The following SMYD2 variants were observed in gnomAD, a reference collection of about 807,000 sequenced individuals.
SMYD2 encodes N-lysine methyltransferase SMYD2.
Under a neutral mutation model 59.1 loss-of-function variants are expected in SMYD2, and 53 were observed. The ratio of observed to expected loss-of-function variants is 0.90; its 90% CI spans 0.72 to 1.13. The LOEUF (loss-of-function observed/expected upper bound fraction) is 1.13, where lower values mean the gene tolerates loss of function less well. Among genes scored for constraint, SMYD2 ranks in the 50% most tolerant of loss-of-function variants. The probability of loss-of-function intolerance (pLI) is 0.00; values close to 1 mark genes in which losing one functional copy is unlikely to be tolerated. For synonymous variants in SMYD2, 208 were observed against 198.8 expected, an observed-to-expected ratio of 1.05 and a Z score of -0.39; for missense variants, 494 against 544.7, an observed-to-expected ratio of 0.91 and a Z score of 0.93.
At chr1:214,304,589 A>C (rs1354923303) in intron 1 of SMYD2, among the ~76,000 whole-genome samples, 1 of 147,758 alleles carries the variant, frequency 6.8e-6, no homozygotes, top group African/African-American at 2.5e-5. Flanking sequence ...AAAAGCATCT[A>C]TCTCCACTTG....
At chr1:214,303,933 A>G (rs1401863157) in intron 1 of SMYD2, among the ~76,000 whole-genome samples, 2 of 152,256 alleles carry the variant, frequency 1.3e-5, no homozygotes, top group Non-Finnish European at 2.9e-5. Flanking sequence ...GGTGGGCAAG[A>G]GTTCGACAGC....
At position 214,323,040 on chromosome 1, in the gene SMYD2, C is replaced by T. The variant is rs186507451; in HGVS notation, c.535-1601C>T. Among the ~76,000 whole-genome samples the T allele has an allele frequency of 1.4e-4, 22 of 152,240 alleles. No individual in the cohort carries two copies. In the East Asian group the frequency reaches 2.7e-3, roughly 19 times the overall value. Reference sequence around the variant, plus strand: ...CTCACGGACAGAGACTTCATAGCAGCGTGGGACAAGCAGGGGTCTCAGCCT... The same window carrying T: ...CTCACGGACAGAGACTTCATAGCAGTGTGGGACAAGCAGGGGTCTCAGCCT... On this transcript the variant is annotated intron_variant, in intron 5 of 11. Coordinates refer to ENST00000366957, the MANE Select transcript of SMYD2 (RefSeq NM_020197.3).
intron 1 of SMYD2, among the ~76,000 whole-genome samples, chr1:214,289,078 A>G (rs1656595939): frequency 6.6e-6 from 1 of 152,120 alleles, no homozygotes. Flanking sequence ...TAGAACAGGC[A>G]AGTTGCACAC....
rs1656440404 is a variant in SMYD2, at chr1:214,281,401, C to A, written c.147C>A (p.Gly49=). The change falls in exon 1 of 12, where the codon GGC becomes GGA. Residue 49 remains glycine (G), a synonymous_variant. Coordinates refer to ENST00000366957, the MANE Select transcript of SMYD2 (RefSeq NM_020197.3). ...ACGTGCTCACGGTCAACGAGCGGGG[C>A]AACCACTGCGAGTACTGCTTCACCA... ...YAYVLTVNER[G]NHCEYCFTRK... 5 of 1,461,690 alleles carry A rather than the reference C, an allele frequency of 3.4e-6. No individual in the cohort carries two copies. Among genetic ancestry groups the A allele is most frequent in the Admixed American group, 2.3e-5 (1 of 42,760 alleles). 90.5% of individuals were successfully genotyped at this position (1,461,690 alleles called of 1,614,324 possible). A position where few individuals can be genotyped will look rare whatever the true frequency, so the allele number is the denominator to read the frequency against.
At position 214,304,287 on chromosome 1, in the gene SMYD2, G is replaced by A. The variant is rs377129394; in HGVS notation, c.174-900G>A. Among the ~76,000 whole-genome samples, 116 of 152,160 alleles carry A rather than the reference G, an allele frequency of 7.6e-4. 1 individual carries two copies. The South Asian group carries it at 0.02, about 27-fold the overall frequency. On this transcript the variant is annotated intron_variant, in intron 1 of 11. Coordinates refer to ENST00000366957, the MANE Select transcript of SMYD2 (RefSeq NM_020197.3). Reference sequence around the variant, plus strand: ...AGAATCTATTTCTTGGTGGGGGCACGGCGGCTCATGCCTATAATACCAGCA... The same window carrying A: ...AGAATCTATTTCTTGGTGGGGGCACAGCGGCTCATGCCTATAATACCAGCA...
intron 6 of SMYD2, among the ~76,000 whole-genome samples, chr1:214,325,118 C>T (rs1264171992): frequency 1.3e-5 from 2 of 152,222 alleles, no homozygotes; most frequent in African/African-American, 4.8e-5. Flanking sequence ...AGCTTCTTCT[C>T]CATCTGTCCT....
chr1:214,285,251 T>G (rs1412305255), intron 1 of SMYD2, among the ~76,000 whole-genome samples: 1 of 152,224 alleles, frequency 6.6e-6, no homozygotes, highest in African/African-American at 2.4e-5. Context: ...TTTCCTCTTG[T>G]TTTATCAAAC....
chr1:214,295,638 A>G (rs1656714362), intron 1 of SMYD2, among the ~76,000 whole-genome samples: 1 of 152,188 alleles, frequency 6.6e-6, no homozygotes, highest in African/African-American at 2.4e-5. Context: ...AAGCCTCAGA[A>G]CAAAGCCTGG....
intron 1 of SMYD2, among the ~76,000 whole-genome samples, chr1:214,295,580 C>T (rs1656712570): frequency 6.6e-6 from 1 of 152,142 alleles, no homozygotes; most frequent in Non-Finnish European, 1.5e-5. Context: ...CCTTACTGCC[C>T]TAAATATTTC....
Position 214,330,962 on chromosome 1 carries a change from G to T in SMYD2, c.829G>T (p.Val277Leu). ...ACGTTTCCTTCAGGATAAGGCCAAGGTGGAAATCCGGAAGCTCAGCGATCC... is the reference window on the plus strand; with the variant it reads ...ACGTTTCCTTCAGGATAAGGCCAAGTTGGAAATCCGGAAGCTCAGCGATCC... ...CTTKDKDKAK[V>L]EIRKLSDPPK... The change falls in exon 9 of 12, where the codon GTG becomes TTG. Residue 277 changes from valine (V) to leucine (L), a missense_variant. Transcript: ENST00000366957. 6.2e-7 allele frequency: 1 copy of T among 1,614,176 alleles called. No individual in the cohort carries two copies. The highest frequency in any genetic ancestry group is 8.5e-7 in the Non-Finnish European group (1 of 1,180,032).
chr1:214,319,134 T>C (rs1558055297), intron 5 of SMYD2, 151 bp downstream of exon 5: 1 of 1,057,100 alleles, frequency 9.5e-7, no homozygotes. Flanking sequence ...TGTGTTGCCA[T>C]AGCCTTGCTC....
intron 1 of SMYD2, among the ~76,000 whole-genome samples, chr1:214,295,017 C>T (rs1656701060): frequency 6.6e-6 from 1 of 152,152 alleles, no homozygotes; most frequent in African/African-American, 2.4e-5. Context: ...CTAATAGTAA[C>T]ATCTGTCATT....
intron 1 of SMYD2, among the ~76,000 whole-genome samples, chr1:214,286,846 G>A (rs964566898): frequency 1.6e-4 from 16 of 101,326 alleles, no homozygotes; most frequent in Admixed American, 1.4e-4. Context: ...AAATCACTCT[G>A]ATCTCTCTTC....
At chr1:214,288,786 TAAA>T (rs1223696693) in intron 1 of SMYD2, among the ~76,000 whole-genome samples, 1 of 152,198 alleles carries the variant, frequency 6.6e-6, no homozygotes. Flanking sequence ...TAATAAAACA[TAAA>T]AAGAACATGA....
intron 1 of SMYD2, among the ~76,000 whole-genome samples, chr1:214,285,016 C>T (rs376118276): frequency 6.6e-6 from 1 of 152,054 alleles, no homozygotes; most frequent in Non-Finnish European, 1.5e-5. Flanking sequence ...TTTGTTTGTT[C>T]TGAGTGTAGG....
At chr1:214,310,503 A>ATTT (rs10699247) in intron 2 of SMYD2, among the ~76,000 whole-genome samples, 14,172 of 136,260 alleles carry the variant, frequency 0.1, 903 homozygotes, top group Middle Eastern at 0.19. Context: ...TATTTTATTA[A>ATTT]TTTTTTTTTT....
At chr1:214,307,824 A>G (rs935881974) in intron 2 of SMYD2, among the ~76,000 whole-genome samples, 8 of 152,216 alleles carry the variant, frequency 5.3e-5, no homozygotes, top group Non-Finnish European at 1.2e-4. Flanking sequence ...GGGGAGGCTC[A>G]CATTAACCAA....
At position 214,318,926 on chromosome 1, in the gene SMYD2, T is replaced by G. The variant is rs974844297; in HGVS notation, c.477T>G (p.Phe159Leu). ...GTGACATAGCTGCTCTCCATCACTT[T>G]TACTCCAAGCATCTCGGATTCCCTG... ...IQSDIAALHHFYSKHLGFPDN... is the reference protein window; with the variant it reads ...IQSDIAALHHLYSKHLGFPDN... The change falls in exon 5 of 12, where the codon TTT becomes TTG. Residue 159 changes from phenylalanine (F) to leucine (L), a missense_variant. Phe to Leu is a conservative substitution (Grantham distance 22). Coordinates refer to ENST00000366957, the MANE Select transcript of SMYD2 (RefSeq NM_020197.3). The surrounding 1 kb of genome is among the most constrained non-coding windows in gnomAD (Gnocchi z 5.4). 8 of 1,614,028 alleles carry G rather than the reference T, an allele frequency of 5.0e-6. No homozygotes were observed. Among genetic ancestry groups the G allele is most frequent in the Non-Finnish European group, 6.8e-6 (8 of 1,179,984 alleles).
chr1:214,331,133 G>C, intron 9 of SMYD2, 63 bp downstream of exon 9: 4 of 1,600,128 alleles, frequency 2.5e-6, no homozygotes, highest in Non-Finnish European at 3.4e-6. Flanking sequence ...GTGGGAAGTT[G>C]GAAAGAGGGA....
Sources: gnomAD v4.1 joint callset for allele counts (sites outside exome capture counted in the v4.1 genomes callset) on GRCh38, gnomAD v4.1.1 for gene constraint, Gnocchi (gnomAD v3.1) non-coding constraint, MANE v1.5 for transcripts, NCBI Gene and HGNC (gene_info 2026-07-23, HGNC 2026-07-21) for gene names.